PDE3B: variants seen among roughly 807,000 people sequenced by gnomAD.
The protein encoded by PDE3B is cGMP-inhibited 3',5'-cyclic phosphodiesterase 3B.
A neutral mutation model predicts 116.8 loss-of-function variants in PDE3B; 66 were observed. That is an observed-to-expected ratio of 0.56 (90% CI 0.46 to 0.69). The LOEUF (loss-of-function observed/expected upper bound fraction) is 0.69, where lower values mean the gene tolerates loss of function less well. Ranked by LOEUF, PDE3B falls within the 30% of genes least tolerant of loss-of-function variation. The probability of loss-of-function intolerance (pLI) is 0.00; values close to 1 mark genes in which losing one functional copy is unlikely to be tolerated. For missense variants in PDE3B, 1,384 were observed against 1,368.1 expected (o/e 1.01, Z -0.18); for synonymous variants, 595 against 533.6 (o/e 1.12, Z -1.59).
chr11:14,741,755 C>T (rs1405683008), intron 1 of PDE3B, among the ~76,000 whole-genome samples: 2 of 152,070 alleles, frequency 1.3e-5, no homozygotes, highest in Non-Finnish European at 2.9e-5. Context: ...TTTAGTGCTT[C>T]CTTTAGGAGC....
At chr11:14,686,954 C>A (rs921264171) in intron 1 of PDE3B, among the ~76,000 whole-genome samples, 1 of 152,148 alleles carries the variant, frequency 6.6e-6, no homozygotes, top group Non-Finnish European at 1.5e-5. Flanking sequence ...ACCTTGTGAT[C>A]CACCTGCCTC....
At position 14,835,039 on chromosome 11, in the gene PDE3B, G is replaced by C; in HGVS notation, c.2264G>C (p.Arg755Pro). 6.2e-7 allele frequency: 1 copy of C among 1,613,266 alleles called. No individual in the cohort carries two copies. Among genetic ancestry groups the C allele is most frequent in the Middle Eastern group, 1.7e-4 (1 of 6,060 alleles). ...VLHAVWYLTT[R>P]PVPGLQQIHN... ...CATGCAGTTTGGTATCTGACAACAC[G>C]GCCAGTTCCTGGCTTACAGCAGATC... Residue 755 changes from arginine to proline, a missense_variant, in exon 11 of 16, where the codon CGG (arginine) becomes CCG (proline). Arg to Pro is a moderately radical substitution (Grantham distance 103). Transcript: ENST00000282096.
the PDE3B span, chr11:14,886,046 T>C: frequency 1.2e-6 from 1 of 860,010 alleles, no homozygotes; most frequent in South Asian, 1.4e-5. Flanking sequence ...AGGCAGTTAT[T>C]ACTCAACTGA....
chr11:14,732,970 G>A lies in PDE3B; in HGVS notation c.979-38967G>A, dbSNP rs568123074. Reference sequence around the variant, plus strand: ...TGGTTCATATACACCTAATGAGATTGCTATTTTAATTTTCATTGTTAAGAC... The same window carrying A: ...TGGTTCATATACACCTAATGAGATTACTATTTTAATTTTCATTGTTAAGAC... On this transcript the variant is annotated intron_variant, in intron 1 of 15. Coordinates refer to ENST00000282096, the MANE Select transcript of PDE3B (RefSeq NM_000922.4). Among the ~76,000 whole-genome samples the A allele has an allele frequency of 3.7e-4, 56 of 152,212 alleles. No individual in the cohort carries two copies. The South Asian group carries it at 0.011, about 29-fold the overall frequency.
At chr11:14,731,093 A>T (rs1277974259) in intron 1 of PDE3B, among the ~76,000 whole-genome samples, 2 of 152,096 alleles carry the variant, frequency 1.3e-5, no homozygotes, top group Non-Finnish European at 2.9e-5. Context: ...TAATTTTTTA[A>T]CTTACATACA....
At chr11:14,838,780 G>A (rs1229276126) in intron 11 of PDE3B, among the ~76,000 whole-genome samples, 3 of 152,208 alleles carry the variant, frequency 2.0e-5, no homozygotes, top group African/African-American at 4.8e-5. Context: ...TTAGACCAGG[G>A]AGAAAGGAAG....
chr11:14,714,539 CAAAAAAAAAAA>C (rs759855381), intron 1 of PDE3B, among the ~76,000 whole-genome samples: 4 of 76,146 alleles, frequency 5.3e-5, no homozygotes, highest in Non-Finnish European at 1.0e-4. Flanking sequence ...AACCCTGTCT[CAAAAAAAAAAA>C]AAAAAAAAAG....
the PDE3B span, among the ~76,000 whole-genome samples, chr11:14,892,874 C>T: frequency 6.6e-6 from 1 of 152,198 alleles, no homozygotes; most frequent in Non-Finnish European, 1.5e-5. Context: ...TTGGCAATCA[C>T]GGGACTCTTG....
chr11:14,842,505 T>A (rs1847497396), intron 11 of PDE3B, among the ~76,000 whole-genome samples: 2 of 152,212 alleles, frequency 1.3e-5, no homozygotes, highest in Non-Finnish European at 2.9e-5. Context: ...AAAGTCTTAT[T>A]AGAAATTTGA....
At chr11:14,712,466 G>GGTT (rs1855733413) in intron 1 of PDE3B, among the ~76,000 whole-genome samples, 1 of 76,286 alleles carries the variant, frequency 1.3e-5, no homozygotes, top group Admixed American at 1.7e-4. Context: ...GTACAAGCTT[G>GGTT]TTTTTTTTTT....
intron 1 of PDE3B, among the ~76,000 whole-genome samples, chr11:14,767,140 A>T (rs1247839872): frequency 6.6e-6 from 1 of 151,630 alleles, no homozygotes; most frequent in African/African-American, 2.4e-5. Context: ...AAAAATCTTC[A>T]GTTTCATATA....
chr11:14,747,962 C>G (rs1307854793), intron 1 of PDE3B, among the ~76,000 whole-genome samples: 1 of 152,108 alleles, frequency 6.6e-6, no homozygotes, highest in Non-Finnish European at 1.5e-5. Flanking sequence ...AAGAAATTTA[C>G]AAGTATAATT....
chr11:14,758,586 C>A (rs1404085882), intron 1 of PDE3B, among the ~76,000 whole-genome samples: 21 of 146,414 alleles, frequency 1.4e-4, no homozygotes, highest in Non-Finnish European at 2.9e-4. Flanking sequence ...GGAGTTCACT[C>A]ATGATTTGGC....
At chr11:14,662,391 A>G (rs1247858122) in intron 1 of PDE3B, among the ~76,000 whole-genome samples, 1 of 152,238 alleles carries the variant, frequency 6.6e-6, no homozygotes, top group Non-Finnish European at 1.5e-5. Context: ...AACTCTAAAA[A>G]GCAGAACGCC....
intron 1 of PDE3B, among the ~76,000 whole-genome samples, chr11:14,698,598 C>A (rs1855277167): frequency 6.6e-6 from 1 of 151,922 alleles, no homozygotes; most frequent in African/African-American, 2.4e-5. Context: ...GTGTCCATAT[C>A]ATGTATGCAT....
intron 1 of PDE3B, among the ~76,000 whole-genome samples, chr11:14,667,548 T>G (rs923011394): frequency 6.6e-6 from 1 of 151,682 alleles, no homozygotes; most frequent in African/African-American, 2.4e-5. Flanking sequence ...GGGACATGGA[T>G]GAAGCTGGAA....
rs1555008279 is a variant in PDE3B, at chr11:14,867,605, G to C, written c.2986G>C (p.Val996Leu). 1 of 1,613,962 alleles carries C rather than the reference G, an allele frequency of 6.2e-7. No individual in the cohort carries two copies. The highest frequency in any genetic ancestry group is 1.3e-5 in the African/African-American group (1 of 74,916). Residue 996 changes from valine (V) to leucine (L), a missense_variant, in exon 15 of 16, where the codon GTG becomes CTG. Coordinates refer to ENST00000282096, the MANE Select transcript of PDE3B (RefSeq NM_000922.4). ...KLQESFITHI[V>L]GPLCNSYDAA... ...CCAAGAATCTTTTATCACCCACATA[G>C]TGGGTCCCCTGTGTAACTCCTATGA... is the stretch of plus-strand genomic sequence containing the variant.
At chr11:14,779,967 G>A (rs1478717407) in intron 2 of PDE3B, among the ~76,000 whole-genome samples, 3 of 151,126 alleles carry the variant, frequency 2.0e-5, no homozygotes, top group Admixed American at 6.6e-5. Context: ...AAGGGATGGA[G>A]GAAGATCTAC....
At chr11:14,885,194 C>A in the PDE3B span, among the ~76,000 whole-genome samples, 1 of 152,160 alleles carries the variant, frequency 6.6e-6, no homozygotes, top group Non-Finnish European at 1.5e-5. Flanking sequence ...TGTATGTGAT[C>A]TGAACATTCT....
Sources: allele counts gnomAD v4.1 joint callset (sites outside exome capture counted in the v4.1 genomes callset), GRCh38; gene constraint gnomAD v4.1.1; transcripts MANE v1.5; gene names NCBI Gene and HGNC (gene_info 2026-07-23, HGNC 2026-07-21).